The following ENTREP1 variants were observed in gnomAD, a reference collection of about 807,000 sequenced individuals.
ENTREP1 encodes endosomal transmembrane epsin interactor 1, also known as Friedreich ataxia region gene X123.
At chr9:69,372,619 T>C in the ENTREP1 span, among the ~76,000 whole-genome samples, 1 of 152,198 alleles carries the variant, frequency 6.6e-6, no homozygotes, top group African/African-American at 2.4e-5. Flanking sequence ...CCACTCTTGG[T>C]TATTGTGAAT....
chr9:69,364,012 C>T, the ENTREP1 span, among the ~76,000 whole-genome samples: 1 of 152,082 alleles, frequency 6.6e-6, no homozygotes, highest in Non-Finnish European at 1.5e-5. Context: ...TTTGAATGTC[C>T]CTTCCAGCTG....
the ENTREP1 span, among the ~76,000 whole-genome samples, chr9:69,340,005 C>G: frequency 8.1e-3 from 1,227 of 152,286 alleles, 5 homozygotes; most frequent in Non-Finnish European, 0.012. Context: ...CTTTTTCACT[C>G]TCTTTCTGTA....
chr9:69,377,384 C>A, the ENTREP1 span: 2 of 1,612,814 alleles, frequency 1.2e-6, no homozygotes, highest in Non-Finnish European at 8.5e-7. Context: ...TCCTCTTTGC[C>A]CTGTGTGCCT....
chr9:69,347,099 G>A, the ENTREP1 span, among the ~76,000 whole-genome samples: 1 of 152,194 alleles, frequency 6.6e-6, no homozygotes, highest in Non-Finnish European at 1.5e-5. Context: ...CATAGACTAA[G>A]CACAACATGA....
At chr9:69,381,155 G>C in the ENTREP1 span, 2 of 152,208 alleles carry the variant, frequency 1.3e-5, no homozygotes, top group Non-Finnish European at 2.9e-5. Context: ...CAGTGCTCCT[G>C]AGCCTGCACC....
At chr9:69,332,648 T>A in the ENTREP1 span, among the ~76,000 whole-genome samples, 1 of 152,220 alleles carries the variant, frequency 6.6e-6, no homozygotes, top group South Asian at 2.1e-4. Context: ...TGCTACCATA[T>A]GCAAACAAAA....
the ENTREP1 span, among the ~76,000 whole-genome samples, chr9:69,370,187 C>T: frequency 1.3e-5 from 2 of 151,864 alleles, no homozygotes; most frequent in East Asian, 1.9e-4. Context: ...TGTATATTAT[C>T]GTAAAAGAAA....
At chr9:69,340,608 T>TGTGCATGTGTGTGC in the ENTREP1 span, among the ~76,000 whole-genome samples, 1 of 147,124 alleles carries the variant, frequency 6.8e-6, no homozygotes, top group African/African-American at 2.6e-5. Flanking sequence ...CATGTGTGTG[T>TGTGCATGTGTGTGC]GTGCATGTGT....
chr9:69,324,620 G>A, the ENTREP1 span: 12 of 985,056 alleles, frequency 1.2e-5, no homozygotes, highest in East Asian at 1.4e-3. Flanking sequence ...GCACTCCCGC[G>A]CCGATGCGAG....
chr9:69,360,646 C>T, the ENTREP1 span, among the ~76,000 whole-genome samples: 1 of 152,156 alleles, frequency 6.6e-6, no homozygotes, highest in African/African-American at 2.4e-5. Flanking sequence ...TTTCATCCTT[C>T]CTGGAGCCTT....
At chr9:69,326,337 C>T in the ENTREP1 span, among the ~76,000 whole-genome samples, 1 of 152,142 alleles carries the variant, frequency 6.6e-6, no homozygotes, top group South Asian at 2.1e-4. Context: ...GCCTTAACCC[C>T]ACTGGGTTCC....
At chr9:69,367,822 T>A in the ENTREP1 span, among the ~76,000 whole-genome samples, 6 of 111,974 alleles carry the variant, frequency 5.4e-5, no homozygotes, top group South Asian at 5.7e-4. Context: ...CACATATATA[T>A]AAATATATAT....
chr9:69,355,745 C>T, the ENTREP1 span, among the ~76,000 whole-genome samples: 10 of 152,150 alleles, frequency 6.6e-5, no homozygotes. Context: ...TTGACTGCCC[C>T]GGACCTCCGT....
chr9:69,325,745 C>A, the ENTREP1 span: 1 of 1,224,860 alleles, frequency 8.2e-7, no homozygotes, highest in East Asian at 3.2e-5. Flanking sequence ...GCGCGCGCCC[C>A]GTTCGCCCGG....
the ENTREP1 span, chr9:69,391,589 C>T: frequency 2.5e-6 from 4 of 1,613,472 alleles, no homozygotes; most frequent in Admixed American, 6.7e-5. Flanking sequence ...CCACCCCTCT[C>T]TTTTCCCAAA....
chr9:69,327,172 T>C, the ENTREP1 span, among the ~76,000 whole-genome samples: 1 of 152,200 alleles, frequency 6.6e-6, no homozygotes, highest in Non-Finnish European at 1.5e-5. Flanking sequence ...AATGAACTTA[T>C]TGGGGTACGT....
the ENTREP1 span, chr9:69,371,469 T>C: frequency 7.1e-7 from 1 of 1,407,702 alleles, no homozygotes; most frequent in Non-Finnish European, 1.0e-6. Context: ...TGTTATCTTT[T>C]ACTAACTGTC....
the ENTREP1 span, among the ~76,000 whole-genome samples, chr9:69,331,244 G>A: frequency 1.3e-5 from 2 of 152,150 alleles, no homozygotes; most frequent in Non-Finnish European, 2.9e-5. Context: ...TTTACATACA[G>A]CAGCTTTTGA....
chr9:69,367,684 T>A, the ENTREP1 span, among the ~76,000 whole-genome samples: 11 of 132,124 alleles, frequency 8.3e-5, no homozygotes, highest in Admixed American at 5.1e-4. Flanking sequence ...TATATAAATA[T>A]ATATATACAC....
Sources: allele counts gnomAD v4.1 joint callset (sites outside exome capture counted in the v4.1 genomes callset), GRCh38; gene constraint gnomAD v4.1.1; transcripts MANE v1.5; gene names NCBI Gene and HGNC (gene_info 2026-07-23, HGNC 2026-07-21).